Variants in RALGAPB observed in about 807,000 individuals in gnomAD.
RALGAPB encodes ral GTPase-activating protein subunit beta.
RALGAPB carries 25 observed loss-of-function variants against 161.1 expected under a neutral mutation model. The observed-to-expected ratio is 0.16, with a 90% CI of 0.11 to 0.22. The LOEUF is 0.22. Among genes scored for constraint, RALGAPB ranks in the 10% least tolerant of loss-of-function variants. The pLI is 1.00. For missense variants in RALGAPB, 1,391 were observed against 1,815.2 expected (o/e 0.77, Z 4.25); for synonymous variants, 629 against 626.1 (o/e 1.00, Z -0.07).
At chr20:38,539,746 T>G (rs1393274134) in intron 16 of RALGAPB, 30 bp from the exon 17 acceptor site, 2 of 1,601,666 alleles carry the variant, frequency 1.2e-6, no homozygotes, top group South Asian at 1.1e-5. Flanking sequence ...CCTGGCTGAT[T>G]GTTTTTGTTC....
intron 18 of RALGAPB, among the ~76,000 whole-genome samples, chr20:38,541,676 A>G (rs1568957926): frequency 2.0e-5 from 3 of 152,234 alleles, no homozygotes; most frequent in Non-Finnish European, 2.9e-5. Context: ...AGTCACCACT[A>G]CGTCTACCAT....
intron 26 of RALGAPB, chr20:38,569,627 T>G (rs1423794284): frequency 1.6e-5 from 6 of 385,310 alleles, no homozygotes; most frequent in Non-Finnish European, 1.4e-5. Context: ...TTTGTTTTTA[T>G]TAATGCAAAT....
At chr20:38,510,154 A>G (rs1204479920) in intron 6 of RALGAPB, among the ~76,000 whole-genome samples, 2 of 151,520 alleles carry the variant, frequency 1.3e-5, no homozygotes, top group African/African-American at 4.8e-5. Flanking sequence ...ACACACACAC[A>G]CACACACACA....
chr20:38,573,991 G>A (rs2088339144), intron 28 of RALGAPB, 159 bp from the exon 29 acceptor site: 3 of 562,974 alleles, frequency 5.3e-6, no homozygotes, highest in Non-Finnish European at 8.7e-6. Flanking sequence ...TTCCCAGAAA[G>A]CAGATTCTGA....
intron 1 of RALGAPB, among the ~76,000 whole-genome samples, chr20:38,473,708 T>C (rs1311518259): frequency 1.3e-5 from 2 of 152,170 alleles, no homozygotes; most frequent in African/African-American, 4.8e-5. Context: ...GCTTAACAAT[T>C]AGGGCAGTGG....
At chr20:38,549,714 A>G (rs1173269460) in intron 20 of RALGAPB, among the ~76,000 whole-genome samples, 1 of 152,102 alleles carries the variant, frequency 6.6e-6, no homozygotes, top group African/African-American at 2.4e-5. Flanking sequence ...ATAACGAAGA[A>G]ATTTTAAATC....
chr20:38,546,442 G>A lies in RALGAPB; in HGVS notation c.2902+12G>A. On this transcript the variant is annotated intron_variant, in intron 19 of 29. Transcript: ENST00000262879. ...TGGAAATGAGCAGAGTAAGTTTATA[G>A]TACTTTGAGCCTTCTCTACTGCTTA... The A allele has an allele frequency of 1.2e-6, 2 of 1,613,864 alleles. No individual in the cohort carries two copies. Among genetic ancestry groups the A allele is most frequent in the East Asian group, 2.2e-5 (1 of 44,868 alleles).
At chr20:38,557,107 T>C (rs2087611654) in intron 22 of RALGAPB, among the ~76,000 whole-genome samples, 1 of 152,216 alleles carries the variant, frequency 6.6e-6, no homozygotes, top group South Asian at 2.1e-4. Flanking sequence ...AGATATACTA[T>C]GGTTAGCAAA....
Position 38,532,863 on chromosome 20 carries a change from A to G in RALGAPB, c.2245+4A>G. 6.2e-7 allele frequency: 1 copy of G among 1,610,234 alleles called. No homozygotes were observed. Among genetic ancestry groups the G allele is most frequent in the South Asian group, 1.1e-5 (1 of 90,704 alleles). On this transcript the variant is annotated splice_donor_region_variant and intron_variant, in intron 15 of 29. Coordinates refer to ENST00000262879, the MANE Select transcript of RALGAPB (RefSeq NM_020336.4). ...CAAGCTCTCTTAAGAGATTATGGTTAGTCGTGTTTCTTTTGAAATTCAAAG... is the reference window on the plus strand; with the variant it reads ...CAAGCTCTCTTAAGAGATTATGGTTGGTCGTGTTTCTTTTGAAATTCAAAG...
intron 20 of RALGAPB, among the ~76,000 whole-genome samples, chr20:38,550,200 CGA>C (rs1276627901): frequency 6.6e-6 from 1 of 152,014 alleles, no homozygotes; most frequent in Non-Finnish European, 1.5e-5. Flanking sequence ...TGCTAGATGA[CGA>C]GTTAGTGGGT....
chr20:38,554,168 T>C, intron 22 of RALGAPB, 92 bp downstream of exon 22: 1 of 1,099,862 alleles, frequency 9.1e-7, no homozygotes, highest in South Asian at 1.5e-5. Context: ...TAGAAGCGAA[T>C]TAAAAAAAAA....
chr20:38,517,420 C>G, intron 7 of RALGAPB, 86 bp from the exon 8 acceptor site: 2 of 1,363,544 alleles, frequency 1.5e-6, no homozygotes, highest in Non-Finnish European at 2.0e-6. Context: ...TGTCCCAAGC[C>G]TTCACTAGGT....
At chr20:38,475,974 T>C (rs1382346767) in intron 1 of RALGAPB, among the ~76,000 whole-genome samples, 1 of 152,180 alleles carries the variant, frequency 6.6e-6, no homozygotes, top group Non-Finnish European at 1.5e-5. Context: ...CCGTTTTGTA[T>C]TATTTGGTCA....
chr20:38,494,542 A>C (rs2085364343), intron 3 of RALGAPB, among the ~76,000 whole-genome samples: 1 of 152,188 alleles, frequency 6.6e-6, no homozygotes, highest in Non-Finnish European at 1.5e-5. Context: ...GAGGCAGGAG[A>C]ATCGCTTGAA....
At chr20:38,571,401 A>T (rs1180748135) in intron 28 of RALGAPB, among the ~76,000 whole-genome samples, 1 of 152,172 alleles carries the variant, frequency 6.6e-6, no homozygotes, top group East Asian at 1.9e-4. Flanking sequence ...AGTTCCTGAC[A>T]ACTAGAATTC....
At chr20:38,570,094 A>G (rs1037269068) in intron 27 of RALGAPB, 98 bp downstream of exon 27, 2 of 962,402 alleles carry the variant, frequency 2.1e-6, no homozygotes, top group Non-Finnish European at 3.2e-6. Context: ...TGGTGTGGCC[A>G]GGAGCTAGTC....
chr20:38,472,909 C>T lies in RALGAPB; in HGVS notation c.-191C>T, dbSNP rs1021897693. 5.0e-6 allele frequency: 2 copies of T among 398,986 alleles called. No homozygotes were observed. Among genetic ancestry groups the T allele is most frequent in the South Asian group, 1.3e-4 (1 of 7,862 alleles). 24.7% of individuals were successfully genotyped at this position (398,986 alleles called of 1,614,324 possible). On this transcript the variant is annotated 5_prime_UTR_variant, in exon 1 of 30. Transcript: ENST00000262879. ...GTGGCCTTCGTCGTCCCTTGGCGCC[C>T]TGGGAGAGTCGCTGACGGGTGGACT...
rs1328725600 is a variant in RALGAPB, at chr20:38,546,345, C to T, written c.2817C>T (p.Thr939=). ...TTLIKYSRLP[T]INKHSFRYFV... is the part of the protein sequence containing the mutation. Reference sequence around the variant, plus strand: ...TGATTAAATACTCCAGGCTGCCAACCATAAACAAGCATAGTTTCCGGTACT... The same window carrying T: ...TGATTAAATACTCCAGGCTGCCAACTATAAACAAGCATAGTTTCCGGTACT... The change falls in exon 19 of 30, where the codon ACC becomes ACT. Residue 939 remains threonine, a synonymous_variant. Coordinates refer to ENST00000262879, the MANE Select transcript of RALGAPB (RefSeq NM_020336.4). The T allele has an allele frequency of 1.2e-6, 2 of 1,613,990 alleles. No individual in the cohort carries two copies. Among genetic ancestry groups the T allele is most frequent in the African/African-American group, 2.7e-5 (2 of 74,916 alleles).
chr20:38,515,717 CTTTTTCTTTTTTTCTT>C (rs151170103), intron 6 of RALGAPB, among the ~76,000 whole-genome samples: 2 of 151,586 alleles, frequency 1.3e-5, no homozygotes, highest in African/African-American at 4.9e-5. Flanking sequence ...CATTCCATTG[CTTTTTCTTTTTTTCTT>C]TTTTTCTTTT....
Sources: gnomAD v4.1 joint callset for allele counts (sites outside exome capture counted in the v4.1 genomes callset) on GRCh38, gnomAD v4.1.1 for gene constraint, MANE v1.5 for transcripts, NCBI Gene and HGNC (gene_info 2026-07-23, HGNC 2026-07-21) for gene names.